Variants in CCDC62 observed in about 807,000 individuals in gnomAD.
The protein encoded by CCDC62 is coiled-coil domain containing 62, also known as coiled-coil domain-containing protein 62.
In CCDC62, 72 loss-of-function variants were observed where a neutral mutation model predicts 80.8. That is an observed-to-expected ratio of 0.89 (90% confidence interval 0.74 to 1.08). CCDC62 has a LOEUF of 1.08. CCDC62 is among the 50% of genes least tolerant of loss of function. The pLI is 0.00. For synonymous variants in CCDC62, 286 were observed against 296.5 expected, an observed-to-expected ratio of 0.96 and a Z score of 0.36; for missense variants, 704 against 809.4, an observed-to-expected ratio of 0.87 and a Z score of 1.58.
intron 9 of CCDC62, among the ~76,000 whole-genome samples, chr12:122,802,262 A>G (rs903721894): frequency 1.3e-5 from 2 of 152,090 alleles, no homozygotes; most frequent in African/African-American, 4.8e-5. Context: ...AGATGGCATT[A>G]CCTAGACCCC....
chr12:122,813,086 C>G (rs1394093108), intron 10 of CCDC62, among the ~76,000 whole-genome samples, 184 bp from the exon 11 acceptor site: 2 of 151,842 alleles, frequency 1.3e-5, no homozygotes, highest in Non-Finnish European at 2.9e-5. Flanking sequence ...CCCAGCTTTT[C>G]AGGAGGCTGA....
rs540867038 is a variant in CCDC62, at chr12:122,801,459, A to G, written c.1313A>G (p.His438Arg). The G allele has an allele frequency of 3.8e-4, 616 of 1,614,186 alleles. 9 individuals carry two copies. In the South Asian group the frequency reaches 6.3e-3, roughly 16 times the overall value. Residue 438 changes from histidine (H) to arginine (R), a missense_variant, in exon 9 of 13, where the codon CAT becomes CGT. Coordinates refer to ENST00000253079, the MANE Select transcript of CCDC62 (RefSeq NM_201435.5). Reference protein sequence around the residue: ...CKIHTKSPKCHGTGVQNEGKQ... With the variant: ...CKIHTKSPKCRGTGVQNEGKQ... The stretch of plus-strand genomic sequence containing the variant: ...ATCCACACAAAATCACCAAAATGTC[A>G]TGGCACTGGGGTTCAGAACGAAGGA...
chr12:122,791,993 G>C (rs202144566), intron 5 of CCDC62, 27 bp from the exon 6 acceptor site: 1 of 1,494,906 alleles, frequency 6.7e-7, no homozygotes, highest in South Asian at 1.1e-5. Context: ...ATTTATTTGA[G>C]GACTTTCTTT....
At chr12:122,777,746 A>T in intron 2 of CCDC62, 63 bp downstream of exon 2, 1 of 1,443,364 alleles carries the variant, frequency 6.9e-7, no homozygotes, top group Non-Finnish European at 9.6e-7. Flanking sequence ...TGATGGGCTC[A>T]TAGGGAAGAT....
At chr12:122,811,210 C>T (rs1566085524) in intron 10 of CCDC62, among the ~76,000 whole-genome samples, 2 of 120,080 alleles carry the variant, frequency 1.7e-5, no homozygotes, top group Admixed American at 1.0e-4. Flanking sequence ...ATTAAGTTTC[C>T]TTTTTTTTTT....
chr12:122,816,348 T>C (rs1235724674), intron 11 of CCDC62, among the ~76,000 whole-genome samples: 4 of 152,244 alleles, frequency 2.6e-5, no homozygotes, highest in Admixed American at 1.3e-4. Context: ...GCAGTGAGGC[T>C]GCTTCTTCCC....
Position 122,792,193 on chromosome 12 carries a change from C to T in CCDC62, c.772+72C>T, listed in dbSNP as rs983176884. The stretch of plus-strand genomic sequence containing the variant: ...GACAGGCTGAAGGAATTATACCTCT[C>T]CCAAAATGGTTTTTTTTTTTTTTTT... On this transcript the variant is annotated intron_variant, in intron 6 of 12. Coordinates refer to ENST00000253079, the MANE Select transcript of CCDC62 (RefSeq NM_201435.5). 3.5e-6 allele frequency: 3 copies of T among 869,538 alleles called. No individual in the cohort carries two copies. In the African/African-American group the frequency reaches 5.2e-5, roughly 15 times the overall value. The allele number at this position is 869,538 out of a possible 1,614,324, so 53.9% of individuals were successfully genotyped here.
intron 6 of CCDC62, 35 bp downstream of exon 6, chr12:122,792,156 A>G (rs1490536033): frequency 2.4e-6 from 3 of 1,257,246 alleles, no homozygotes; most frequent in African/African-American, 2.9e-5. Context: ...TGTAACCTAG[A>G]CTTGCAATGA....
chr12:122,798,326 G>A (rs2031089513), intron 8 of CCDC62, 126 bp downstream of exon 8: 2 of 618,112 alleles, frequency 3.2e-6, no homozygotes, highest in Admixed American at 6.1e-5. Context: ...AATGTGGCCG[G>A]GCACGGTGCC....
rs563372445 is a variant in CCDC62 at position 122,781,414 on chromosome 12, G to A, written c.396+84G>A. ...TGAAAAATTAGATTTGACCGGGCACGGTGGCTCACTCCTGTAATGCCAACA... is the reference window on the plus strand; with the variant it reads ...TGAAAAATTAGATTTGACCGGGCACAGTGGCTCACTCCTGTAATGCCAACA... On this transcript the variant is annotated intron_variant, in intron 3 of 12. Coordinates refer to ENST00000253079, the MANE Select transcript of CCDC62 (RefSeq NM_201435.5). The A allele has an allele frequency of 6.3e-5, 83 of 1,321,724 alleles. No individual in the cohort carries two copies. In the African/African-American group the frequency reaches 8.5e-4, roughly 14 times the overall value. 81.9% of individuals were successfully genotyped at this position (1,321,724 alleles called of 1,614,324 possible).
chr12:122,823,479 C>CAAA lies in CCDC62; in HGVS notation c.*40+20_*40+21insAAA. 4 of 1,137,882 alleles carry CAAA rather than the reference C, an allele frequency of 3.5e-6. No homozygotes were observed. The highest frequency in any genetic ancestry group is 5.3e-6 in the Non-Finnish European group (4 of 747,946). 70.5% of individuals were successfully genotyped at this position (1,137,882 alleles called of 1,614,324 possible). A position where few individuals can be genotyped will look rare whatever the true frequency, so the allele number is the denominator to read the frequency against. ...TCACGAGTAAGTCACCTTTGCTTAT[C>CAAA]TCACCTTATATCTCAATTAATATTT... On this transcript the variant is annotated intron_variant, in intron 12 of 12. Transcript: ENST00000253079.
chr12:122,783,204 GTTTA>G (rs1425891721), intron 3 of CCDC62, among the ~76,000 whole-genome samples: 2 of 149,948 alleles, frequency 1.3e-5, no homozygotes, highest in African/African-American at 2.4e-5. Flanking sequence ...AAGCCAGCTT[GTTTA>G]TTTGTTATAT....
chr12:122,782,120 G>A (rs2029901519), intron 3 of CCDC62, among the ~76,000 whole-genome samples: 1 of 151,784 alleles, frequency 6.6e-6, no homozygotes, highest in African/African-American at 2.4e-5. Flanking sequence ...ACATTGCTTG[G>A]GCCCAGGAGT....
Position 122,824,730 on chromosome 12 carries a change from C to T in CCDC62, c.*40+1271C>T, listed in dbSNP as rs527684476. 1.5e-4 allele frequency among the ~76,000 whole-genome samples: 23 copies of T among 152,180 alleles called. No homozygotes were observed. In the South Asian group the frequency reaches 2.9e-3, roughly 19 times the overall value. On this transcript the variant is annotated intron_variant, in intron 12 of 12. Coordinates refer to ENST00000253079, the MANE Select transcript of CCDC62 (RefSeq NM_201435.5). ...CACACATGTTTATAGCAGCACAATT[C>T]GCAATTGCAAAAATACGGAACCAGC... is the stretch of plus-strand genomic sequence containing the variant.
At chr12:122,791,178 T>A (rs935496545) in intron 5 of CCDC62, among the ~76,000 whole-genome samples, 1 of 152,168 alleles carries the variant, frequency 6.6e-6, no homozygotes, top group African/African-American at 2.4e-5. Flanking sequence ...TTCACTCTTG[T>A]CGCCCAGGCT....
At chr12:122,807,837 GA>G (rs2031686970) in intron 10 of CCDC62, among the ~76,000 whole-genome samples, 3 of 152,020 alleles carry the variant, frequency 2.0e-5, no homozygotes, top group Admixed American at 1.3e-4. Context: ...GCCTTTTCTA[GA>G]ATTTTATATA....
At chr12:122,780,040 G>A (rs888190880) in intron 2 of CCDC62, among the ~76,000 whole-genome samples, 4 of 151,732 alleles carry the variant, frequency 2.6e-5, no homozygotes, top group Admixed American at 6.6e-5. Flanking sequence ...GGCCAGGTAC[G>A]GTGGCTCACG....
intron 2 of CCDC62, 73 bp downstream of exon 2, chr12:122,777,756 T>C (rs1351030445): frequency 1.2e-5 from 17 of 1,417,594 alleles, no homozygotes; most frequent in Non-Finnish European, 1.6e-5. Flanking sequence ...ATAGGGAAGA[T>C]AGAGAGGAAG....
intron 6 of CCDC62, among the ~76,000 whole-genome samples, chr12:122,793,483 G>T (rs1046705883): frequency 3.3e-5 from 5 of 151,938 alleles, no homozygotes; most frequent in Admixed American, 6.6e-5. Flanking sequence ...TGAGATACTG[G>T]GGGTAGGTAA....
Sources: gnomAD v4.1 joint callset for allele counts (sites outside exome capture counted in the v4.1 genomes callset) on GRCh38, gnomAD v4.1.1 for gene constraint, MANE v1.5 for transcripts, NCBI Gene and HGNC (gene_info 2026-07-23, HGNC 2026-07-21) for gene names.